The following LNPEP variants were observed in gnomAD, a reference collection of about 807,000 sequenced individuals.
LNPEP encodes leucyl and cystinyl aminopeptidase.
In LNPEP, 64 loss-of-function variants were observed where a neutral mutation model predicts 120.6. The observed-to-expected ratio is 0.53, with a 90% CI of 0.43 to 0.65. The LOEUF is 0.65. LNPEP is among the 30% of genes least tolerant of loss of function. The probability of loss-of-function intolerance (pLI) is 0.00; values close to 1 mark genes in which losing one functional copy is unlikely to be tolerated. For missense variants in LNPEP, 1,057 were observed against 1,200.0 expected (o/e 0.88, Z 1.76); for synonymous variants, 435 against 425.4 (o/e 1.02, Z -0.28).
chr5:96,954,768 ATATATTTTTTTTTTTTT>A (rs1789417043), intron 1 of LNPEP, among the ~76,000 whole-genome samples: 1 of 36,096 alleles, frequency 2.8e-5, no homozygotes, highest in Non-Finnish European at 6.1e-5. Context: ...ATATATATAT[ATATATTTTTTTTTTTTT>A]TTTTTTTTTT....
chr5:96,991,115 A>C (rs533205528), intron 4 of LNPEP, among the ~76,000 whole-genome samples: 2 of 152,180 alleles, frequency 1.3e-5, no homozygotes, highest in East Asian at 3.9e-4. Context: ...ATGCCTTTGC[A>C]TCCTCATAGC....
intron 11 of LNPEP, among the ~76,000 whole-genome samples, chr5:97,008,533 G>T (rs1413455403): frequency 6.6e-6 from 1 of 150,572 alleles, no homozygotes; most frequent in Non-Finnish European, 1.5e-5. Flanking sequence ...TGTATTTTTT[G>T]TAGAGACAGG....
rs1411558825 is a variant in LNPEP, at chr5:96,956,503, G to A, written c.19+20329G>A. Among the ~76,000 whole-genome samples, 5 of 152,188 alleles carry A rather than the reference G, an allele frequency of 3.3e-5. No individual in the cohort carries two copies. In the South Asian group the frequency reaches 6.2e-4, roughly 19 times the overall value. On this transcript the variant is annotated intron_variant, in intron 1 of 17. Coordinates refer to ENST00000231368, the MANE Select transcript of LNPEP (RefSeq NM_005575.3). ...ACTTCACTCCAGCCTGGGCGACTGC[G>A]TGAGACTCCATCTCAAAGAAATCCA...
intron 11 of LNPEP, among the ~76,000 whole-genome samples, chr5:97,010,001 T>A (rs1225641856): frequency 3.3e-5 from 5 of 152,090 alleles, no homozygotes; most frequent in Admixed American, 2.6e-4. Context: ...AATTCAAGGG[T>A]TGTTGGGTTA....
intron 1 of LNPEP, among the ~76,000 whole-genome samples, chr5:96,939,630 C>G (rs967630262): frequency 6.6e-6 from 1 of 151,572 alleles, no homozygotes; most frequent in Non-Finnish European, 1.5e-5. Context: ...GAATGTAGGT[C>G]CTATGAATCA....
At chr5:96,959,639 C>G (rs975942287) in intron 1 of LNPEP, among the ~76,000 whole-genome samples, 1 of 152,072 alleles carries the variant, frequency 6.6e-6, no homozygotes, top group Non-Finnish European at 1.5e-5. Context: ...CTTTTGAAGA[C>G]TTAAGTGACA....
chr5:97,010,636 G>A, intron 11 of LNPEP: 1 of 985,016 alleles, frequency 1.0e-6, no homozygotes. Flanking sequence ...GTAGCTCATT[G>A]ACAAATGGTT....
At chr5:96,961,901 G>T (rs745639650) in intron 1 of LNPEP, among the ~76,000 whole-genome samples, 39 of 152,110 alleles carry the variant, frequency 2.6e-4, no homozygotes, top group Non-Finnish European at 5.0e-4. Flanking sequence ...TAATTTTAAT[G>T]AGAGAAAGGG....
At chr5:96,992,705 A>G (rs1288175210) in intron 4 of LNPEP, among the ~76,000 whole-genome samples, 2 of 149,944 alleles carry the variant, frequency 1.3e-5, no homozygotes, top group Non-Finnish European at 3.0e-5. Context: ...ATAAAATTAA[A>G]TAGGCAAATA....
intron 1 of LNPEP, among the ~76,000 whole-genome samples, chr5:96,954,869 G>A (rs1444800911): frequency 1.5e-5 from 2 of 131,660 alleles, no homozygotes; most frequent in Non-Finnish European, 3.1e-5. Flanking sequence ...TGCAAGCTCC[G>A]CCTCCTGGGT....
chr5:96,987,468 T>G (rs916545560), intron 4 of LNPEP, among the ~76,000 whole-genome samples: 4 of 152,318 alleles, frequency 2.6e-5, no homozygotes, highest in Middle Eastern at 3.4e-3. Context: ...CTGCTAGTTT[T>G]GGGTTTCCTT....
intron 1 of LNPEP, chr5:96,962,906 T>C (rs941197731): frequency 3.8e-4 from 58 of 152,282 alleles, no homozygotes; most frequent in African/African-American, 1.3e-3. Context: ...ACTTTTTCAG[T>C]GTCTAACCTG....
chr5:96,937,015 T>G (rs952455900), intron 1 of LNPEP: 1 of 151,218 alleles, frequency 6.6e-6, no homozygotes, highest in Non-Finnish European at 1.5e-5. Context: ...AATATAGGGG[T>G]GAGATGTCTT....
At chr5:97,007,397 A>C (rs1790811976) in intron 11 of LNPEP, among the ~76,000 whole-genome samples, 1 of 152,168 alleles carries the variant, frequency 6.6e-6, no homozygotes, top group Non-Finnish European at 1.5e-5. Context: ...AGCTGTACAA[A>C]AGAGATAGTA....
rs770628159 is a variant in LNPEP at position 97,003,532 on chromosome 5, G to T, written c.1771G>T (p.Asp591Tyr). ...YASIQSDDLWDSFNEVTNQTL... is the reference protein window; with the variant it reads ...YASIQSDDLWYSFNEVTNQTL... ...ATCTATTCAAAGTGATGATCTGTGG[G>T]ATAGTTTTAATGAGGTAAGTGACCT... is the stretch of plus-strand genomic sequence containing the variant. Residue 591 changes from aspartate (D) to tyrosine (Y), a missense_variant, in exon 9 of 18, where the codon GAT (aspartate) becomes TAT (tyrosine). Coordinates refer to ENST00000231368, the MANE Select transcript of LNPEP (RefSeq NM_005575.3). 2 of 1,599,162 alleles carry T rather than the reference G, an allele frequency of 1.3e-6. No individual in the cohort carries two copies. The highest frequency in any genetic ancestry group is 1.7e-6 in the Non-Finnish European group (2 of 1,173,532).
chr5:96,975,069 T>C (rs1789957297), intron 1 of LNPEP, among the ~76,000 whole-genome samples: 1 of 152,156 alleles, frequency 6.6e-6, no homozygotes, highest in Non-Finnish European at 1.5e-5. Context: ...ACATAATCCT[T>C]TTAACAATTC....
rs567114456 is a variant in LNPEP at position 97,036,962 on chromosome 5, G to C, written c.*8429G>C. The C allele has an allele frequency of 6.6e-6, 1 of 152,108 alleles. No individual in the cohort carries two copies. Among genetic ancestry groups the C allele is most frequent in the Non-Finnish European group, 1.5e-5 (1 of 68,014 alleles). 9.4% of individuals were successfully genotyped at this position (152,108 alleles called of 1,614,324 possible). A position where few individuals can be genotyped will look rare whatever the true frequency, so the allele number is the denominator to read the frequency against. ...TTTAAAATACTTCAAAGGAAGTAAA[G>C]GTCATGGCTTAGCTGAAGGAAATGC... On this transcript the variant is annotated 3_prime_UTR_variant, in exon 18 of 18. Transcript: ENST00000231368.
rs866981824 is a variant in LNPEP at position 97,022,794 on chromosome 5, C to G, written c.2561+310C>G. On this transcript the variant is annotated intron_variant, in intron 14 of 17. Transcript: ENST00000231368. The stretch of plus-strand genomic sequence containing the variant: ...TAATGCTATCCCTCCCCCCTCCCCC[C>G]ACCCCACAACAGTCCCCAGAGTGTG... 9.0e-5 allele frequency among the ~76,000 whole-genome samples: 10 copies of G among 111,048 alleles called. 1 individual carries two copies. Among genetic ancestry groups the G allele is most frequent in the South Asian group, 7.6e-4 (2 of 2,644 alleles). The allele number at this position is 111,048 out of a possible 152,430, so 72.9% of individuals were successfully genotyped here.
At chr5:96,944,901 C>T (rs1789150045) in intron 1 of LNPEP, among the ~76,000 whole-genome samples, 4 of 151,352 alleles carry the variant, frequency 2.6e-5, no homozygotes, top group South Asian at 4.2e-4. Flanking sequence ...GGCAGTTGGT[C>T]GAAATAATTA....
Sources: gnomAD v4.1 joint callset for allele counts (sites outside exome capture counted in the v4.1 genomes callset) on GRCh38, gnomAD v4.1.1 for gene constraint, MANE v1.5 for transcripts, NCBI Gene and HGNC (gene_info 2026-07-23, HGNC 2026-07-21) for gene names.